Variants in ZNF136 observed in about 807,000 individuals in gnomAD.
ZNF136 encodes the protein zinc finger protein 136.
A neutral mutation model predicts 11.4 loss-of-function variants in ZNF136; 8 were observed. That is an observed-to-expected ratio of 0.70 (90% CI 0.41 to 1.27). The LOEUF (loss-of-function observed/expected upper bound fraction) is 1.27. Among genes scored for constraint, ZNF136 ranks in the 50% most tolerant of loss-of-function variants. The pLI is 0.01. For synonymous variants in ZNF136, 190 were observed against 207.1 expected, an observed-to-expected ratio of 0.92 and a Z score of 0.71; for missense variants, 590 against 656.5, an observed-to-expected ratio of 0.90 and a Z score of 1.11.
At chr19:12,181,851 G>A (rs983065109) in intron 1 of ZNF136, among the ~76,000 whole-genome samples, 1 of 152,162 alleles carries the variant, frequency 6.6e-6, no homozygotes, top group African/African-American at 2.4e-5. Flanking sequence ...TAGCCAGGAT[G>A]GTTTCGATCT....
Position 12,168,057 on chromosome 19 carries a change from CTTTTTTTTTTTTTT to C in ZNF136, c.3+4868_3+4881del, listed in dbSNP as rs386388563. Among the ~76,000 whole-genome samples the C allele has an allele frequency of 2.7e-4, 19 of 71,146 alleles. No homozygotes were observed. In the Admixed American group the frequency reaches 3.0e-3, roughly 11 times the overall value. 46.7% of individuals were successfully genotyped at this position (71,146 alleles called of 152,430 possible). On this transcript the variant is annotated intron_variant, in intron 1 of 3. Coordinates refer to ENST00000343979, the MANE Select transcript of ZNF136 (RefSeq NM_003437.5). ...GCCCATTTTTTTTTCTTTTCTTTTT[CTTTTTTTTTTTTTT>C]TTTTTTTTTTTTTTTTGTGAGACGG...
chr19:12,163,563 G>T (rs866545036), intron 1 of ZNF136, among the ~76,000 whole-genome samples: 7 of 152,188 alleles, frequency 4.6e-5, no homozygotes, highest in Non-Finnish European at 7.3e-5. Context: ...CTCCACAGAG[G>T]ACACCCGTTT....
chr19:12,177,566 C>T (rs532541892), intron 1 of ZNF136, among the ~76,000 whole-genome samples: 76 of 152,254 alleles, frequency 5.0e-4, no homozygotes, highest in Non-Finnish European at 9.3e-4. Context: ...CTAGGCTGCT[C>T]GTGAACTCCT....
chr19:12,176,404 G>C (rs1375582632), intron 1 of ZNF136, among the ~76,000 whole-genome samples: 1 of 151,830 alleles, frequency 6.6e-6, no homozygotes, highest in Non-Finnish European at 1.5e-5. Flanking sequence ...TCGGCTCACT[G>C]CAACCTCTGC....
At chr19:12,186,009 TGGG>T in intron 2 of ZNF136, 98 bp downstream of exon 2, 3 of 1,597,506 alleles carry the variant, frequency 1.9e-6, no homozygotes, top group Non-Finnish European at 2.6e-6. Context: ...GGAGAGTACT[TGGG>T]GGGCTAAAAC....
chr19:12,170,683 C>G (rs1272125362), intron 1 of ZNF136, among the ~76,000 whole-genome samples: 1 of 118,554 alleles, frequency 8.4e-6, no homozygotes, highest in African/African-American at 4.1e-5. Context: ...TTTTTTTTTT[C>G]GAGACGGAGT....
chr19:12,186,722 C>A lies in ZNF136; in HGVS notation c.344C>A (p.Ser115Ter). 1 of 1,614,124 alleles carries A rather than the reference C, an allele frequency of 6.2e-7. No homozygotes were observed. Among genetic ancestry groups the A allele is most frequent in the South Asian group, 1.1e-5 (1 of 91,070 alleles). ...TATGGAGAAGTCAGCATGGGTCAGT[C>A]ATCCCTTAATAGACACATCAAAGAT... ...IVYGEVSMGQ[S>*]SLNRHIKDHS... Residue 115 changes from serine (S) to a stop codon, truncating the protein, a stop_gained, in exon 4 of 4, where the codon TCA (serine) becomes TAA (stop). Coordinates refer to ENST00000343979, the MANE Select transcript of ZNF136 (RefSeq NM_003437.5). LOFTEE classifies it low-confidence loss of function (END_TRUNC).
rs201664549 is a variant in ZNF136 at position 12,187,253 on chromosome 19, C to A, written c.875C>A (p.Ser292Tyr). 1.3e-5 allele frequency: 21 copies of A among 1,613,618 alleles called. No individual in the cohort carries two copies. The highest frequency in any genetic ancestry group is 1.5e-5 in the Non-Finnish European group (18 of 1,179,922). ...CAATGTGGTAAAGCCTTCAGTTGTT[C>A]CCCAACCTTACGAATACATGAAAGA... ...CKQCGKAFSC[S>Y]PTLRIHERTH... The change falls in exon 4 of 4, where the codon TCC becomes TAC. Residue 292 changes from serine (S) to tyrosine (Y), a missense_variant. By Grantham distance (144) the Ser-to-Tyr change is moderately radical (BLOSUM62 -2). Transcript: ENST00000343979.
At chr19:12,170,770 A>G (rs1280930137) in intron 1 of ZNF136, among the ~76,000 whole-genome samples, 2 of 151,798 alleles carry the variant, frequency 1.3e-5, no homozygotes, top group African/African-American at 2.4e-5. Flanking sequence ...CCTGGGTTCA[A>G]GTGATTCTCT....
chr19:12,171,961 TTATTTTCTC>T (rs1914664550), intron 1 of ZNF136, among the ~76,000 whole-genome samples: 1 of 151,286 alleles, frequency 6.6e-6, no homozygotes, highest in African/African-American at 2.4e-5. Context: ...TTAAAATTTT[TTATTTTCTC>T]TCTCTCTCTT....
chr19:12,181,651 G>A (rs1474576330), intron 1 of ZNF136, among the ~76,000 whole-genome samples: 2 of 150,972 alleles, frequency 1.3e-5, no homozygotes, highest in East Asian at 3.9e-4. Context: ...TTTTTTTGGG[G>A]GGGGACAGAG....
chr19:12,185,612 A>T, intron 1 of ZNF136, 173 bp from the exon 2 acceptor site: 1 of 748,500 alleles, frequency 1.3e-6, no homozygotes, highest in Non-Finnish European at 2.0e-6. Context: ...TCTACCCGAT[A>T]GTTCCATTCT....
In ZNF136 at chr19:12,185,771, G is replaced by A; in HGVS notation, c.4-14G>A. The A allele has an allele frequency of 6.2e-6, 10 of 1,611,842 alleles. No individual in the cohort carries two copies. The highest frequency in any genetic ancestry group is 8.5e-6 in the Non-Finnish European group (10 of 1,179,384). ...CTCACCCATTCTCCTCTCCACATAT[G>A]TGGGATGTTTCAGGACTCGGTGGCT... On this transcript the variant is annotated splice_polypyrimidine_tract_variant and intron_variant, in intron 1 of 3. Transcript: ENST00000343979.
chr19:12,182,315 A>T (rs1435771836), intron 1 of ZNF136, among the ~76,000 whole-genome samples: 1 of 152,158 alleles, frequency 6.6e-6, no homozygotes, highest in Non-Finnish European at 1.5e-5. Context: ...CCCTTTGGAA[A>T]CTTTGCAGGG....
At chr19:12,183,223 C>G (rs1373674916) in intron 1 of ZNF136, among the ~76,000 whole-genome samples, 2 of 152,004 alleles carry the variant, frequency 1.3e-5, no homozygotes, top group Non-Finnish European at 2.9e-5. Context: ...CGTCTCACTG[C>G]AACCTCCACC....
Position 12,163,220 on chromosome 19 carries a change from G to A in ZNF136, c.3+14G>A, listed in dbSNP as rs748216323. ...AGTCAGGAAATGGTGAGTGTGTCGG[G>A]CCCTGCGTCCCGAGACAGGGAGGAG... On this transcript the variant is annotated intron_variant, in intron 1 of 3. Coordinates refer to ENST00000343979, the MANE Select transcript of ZNF136 (RefSeq NM_003437.5). 5.1e-6 allele frequency: 7 copies of A among 1,385,090 alleles called. No individual in the cohort carries two copies. Among genetic ancestry groups the A allele is most frequent in the African/African-American group, 1.5e-5 (1 of 66,838 alleles). 85.8% of individuals were successfully genotyped at this position (1,385,090 alleles called of 1,614,324 possible).
At chr19:12,181,145 C>G (rs1214250192) in intron 1 of ZNF136, among the ~76,000 whole-genome samples, 1 of 152,204 alleles carries the variant, frequency 6.6e-6, no homozygotes, top group Non-Finnish European at 1.5e-5. Flanking sequence ...TCTGTGCTGG[C>G]CGTGGTAGCC....
intron 1 of ZNF136, among the ~76,000 whole-genome samples, chr19:12,176,449 C>G (rs904857501): frequency 6.6e-6 from 1 of 152,024 alleles, no homozygotes; most frequent in Non-Finnish European, 1.5e-5. Flanking sequence ...GCTTCAGCCT[C>G]CCGTATAGCT....
intron 1 of ZNF136, among the ~76,000 whole-genome samples, chr19:12,180,405 A>G (rs576997049): frequency 6.6e-6 from 1 of 152,336 alleles, no homozygotes; most frequent in East Asian, 1.9e-4. Flanking sequence ...AGGCTCTGAT[A>G]TGGGAACACA....
Sources: allele counts gnomAD v4.1 joint callset (sites outside exome capture counted in the v4.1 genomes callset), GRCh38; gene constraint gnomAD v4.1.1; transcripts MANE v1.5; gene names NCBI Gene and HGNC (gene_info 2026-07-23, HGNC 2026-07-21).